The following PDE4D variants were observed in gnomAD, a reference collection of about 807,000 sequenced individuals.
PDE4D encodes the protein phosphodiesterase 4D, also known as 3',5'-cyclic-AMP phosphodiesterase 4D.
A neutral mutation model predicts 87.4 loss-of-function variants in PDE4D; 24 were observed. The observed-to-expected ratio is 0.27, with a 90% CI of 0.20 to 0.39. The LOEUF (loss-of-function observed/expected upper bound fraction) is 0.39, where lower values mean the gene tolerates loss of function less well. Ranked by LOEUF, PDE4D falls within the 10% of genes least tolerant of loss-of-function variation. The pLI, the probability that PDE4D is intolerant of heterozygous loss-of-function variation, is 1.00. For synonymous variants in PDE4D, 384 were observed against 383.2 expected (o/e 1.00, Z -0.02); for missense variants, 714 against 1,041.0 (o/e 0.69, Z 4.32).
At chr5:60,326,169 TCTGGGATAAATGCC>T (rs891402380) in intron 1 of PDE4D, among the ~76,000 whole-genome samples, 5 of 152,138 alleles carry the variant, frequency 3.3e-5, no homozygotes, top group African/African-American at 1.2e-4. Flanking sequence ...TCTTTATTTC[TCTGGGATAAATGCC>T]CAGGAGTGCA....
At position 60,113,420 on chromosome 5, in the gene PDE4D, A is replaced by G. The variant is rs142555317; in HGVS notation, c.42+72137T>C. Among the ~76,000 whole-genome samples, 14 of 152,124 alleles carry G rather than the reference A, an allele frequency of 9.2e-5. No homozygotes were observed. In the East Asian group the frequency reaches 2.7e-3, roughly 29 times the overall value. On this transcript the variant is annotated intron_variant, in intron 2 of 16. Coordinates refer to the PDE4D transcript ENST00000502484. ...AGCTTTTAAAATCACCTTTTCCTTAACCCTTACATTGCCATCATTTTAGTC... is the reference window on the plus strand; with the variant it reads ...AGCTTTTAAAATCACCTTTTCCTTAGCCCTTACATTGCCATCATTTTAGTC...
intron 5 of PDE4D, among the ~76,000 whole-genome samples, chr5:59,108,953 CAATGTGTGTGTG>C (rs1242751113): frequency 6.1e-4 from 58 of 94,424 alleles, no homozygotes; most frequent in Admixed American, 1.9e-3. Flanking sequence ...CATAGGAACT[CAATGTGTGTGTG>C]TGTGTGTGTG....
intron 1 of PDE4D, among the ~76,000 whole-genome samples, chr5:59,719,425 G>C (rs1034066803): frequency 6.6e-6 from 1 of 152,068 alleles, no homozygotes; most frequent in Non-Finnish European, 1.5e-5. Flanking sequence ...AAGTACTTGG[G>C]AACTAATGAG....
chr5:60,158,829 A>G (rs746489898), intron 2 of PDE4D, among the ~76,000 whole-genome samples: 13 of 152,178 alleles, frequency 8.5e-5, no homozygotes, highest in Non-Finnish European at 1.8e-4. Flanking sequence ...TCGGCCTCCC[A>G]AAGTGCTGGG....
chr5:58,987,629 C>A (rs916805008), intron 11 of PDE4D, among the ~76,000 whole-genome samples: 11 of 66,018 alleles, frequency 1.7e-4, no homozygotes, highest in Non-Finnish European at 3.4e-4. Context: ...TTATTCATAG[C>A]CTCAAGCAAA....
chr5:59,029,169 T>C (rs1756804152), intron 6 of PDE4D, among the ~76,000 whole-genome samples: 1 of 151,476 alleles, frequency 6.6e-6, no homozygotes, highest in South Asian at 2.1e-4. Flanking sequence ...TCCCAGCACT[T>C]TGGGAGGCCG....
chr5:59,257,088 T>C (rs1761126838), intron 1 of PDE4D, among the ~76,000 whole-genome samples: 1 of 152,108 alleles, frequency 6.6e-6, no homozygotes, highest in Non-Finnish European at 1.5e-5. Context: ...ATAATTACAA[T>C]GCAATACATT....
chr5:60,488,267 T>C, upstream of PDE4D: 1 of 152,174 alleles, frequency 6.6e-6, no homozygotes, highest in Non-Finnish European at 1.5e-5. Context: ...AAATCACAGC[T>C]TCCTTGTCGG....
rs192131270 is a variant in PDE4D at position 60,316,410 on chromosome 5, A to G, written c.-89-130723T>C. On this transcript the variant is annotated intron_variant, in intron 1 of 16. Transcript: ENST00000502484. The stretch of plus-strand genomic sequence containing the variant: ...GCTGAGACGATGGGGTTTTCTAGAT[A>G]TACAATCATGTCATCTGGAAACAAA... Among the ~76,000 whole-genome samples the G allele has an allele frequency of 2.1e-3, 323 of 152,332 alleles. 2 individuals carry two copies. The highest frequency in any genetic ancestry group is 7.5e-3 in the African/African-American group (311 of 41,576).
rs375916251 is a variant in PDE4D, at chr5:59,991,860, G to T, written c.43-3143C>A. ...TATGTGTTGTGATGGTTAATACTGA[G>T]TGTCAACTTGATTGGATTGAAGGAT... On this transcript the variant is annotated intron_variant, in intron 2 of 16. Transcript: ENST00000502484. Among the ~76,000 whole-genome samples the T allele has an allele frequency of 4.6e-5, 7 of 152,274 alleles. No individual in the cohort carries two copies. The South Asian group carries it at 6.2e-4, about 14-fold the overall frequency.
intron 2 of PDE4D, among the ~76,000 whole-genome samples, chr5:60,006,727 T>C (rs181326118): frequency 1.3e-5 from 2 of 152,144 alleles, no homozygotes; most frequent in Admixed American, 6.6e-5. Flanking sequence ...TGATGATGCA[T>C]AGGTCTAATC....
chr5:60,391,095 C>A (rs1182232204), intron 1 of PDE4D, among the ~76,000 whole-genome samples: 4 of 152,008 alleles, frequency 2.6e-5, no homozygotes, highest in African/African-American at 9.7e-5. Flanking sequence ...ATTATCTTTC[C>A]CCTTCTACAA....
intron 1 of PDE4D, among the ~76,000 whole-genome samples, chr5:60,314,493 A>T (rs1295992282): frequency 5.9e-5 from 9 of 151,894 alleles, no homozygotes; most frequent in South Asian, 4.2e-4. Context: ...TTTATTTTTT[A>T]TTATTATTAT....
intron 5 of PDE4D, among the ~76,000 whole-genome samples, chr5:59,149,500 G>A (rs2153459205): frequency 6.6e-6 from 1 of 152,230 alleles, no homozygotes; most frequent in Middle Eastern, 3.4e-3. Flanking sequence ...ACCTTAGAGT[G>A]GGATTTCAGG....
chr5:59,097,979 A>G (rs950894980), intron 5 of PDE4D, among the ~76,000 whole-genome samples: 3 of 152,226 alleles, frequency 2.0e-5, no homozygotes, highest in African/African-American at 7.2e-5. Flanking sequence ...AGGGTTTTAC[A>G]TCCTATTATA....
At chr5:59,504,524 G>C (rs1477258382) in intron 1 of PDE4D, among the ~76,000 whole-genome samples, 3 of 152,008 alleles carry the variant, frequency 2.0e-5, no homozygotes, top group Non-Finnish European at 4.4e-5. Context: ...TGTAGCACCG[G>C]GATTCATTTC....
At chr5:59,348,763 T>C (rs1382736256) in intron 1 of PDE4D, among the ~76,000 whole-genome samples, 1 of 152,064 alleles carries the variant, frequency 6.6e-6, no homozygotes, top group Non-Finnish European at 1.5e-5. Flanking sequence ...TTTTAGTTTT[T>C]CTCTTCCAAA....
chr5:59,955,122 A>G (rs1179609672), intron 3 of PDE4D, among the ~76,000 whole-genome samples: 1 of 152,184 alleles, frequency 6.6e-6, no homozygotes, highest in Non-Finnish European at 1.5e-5. Context: ...TAAGTAAAAG[A>G]AGAGGTTATA....
Position 58,975,955 on chromosome 5 carries a change from TAAG to T in PDE4D, c.1831-119_1831-117del. Reference sequence around the variant, plus strand: ...GCAACACTTAAAAATACACGTAGTGTAAGATTTATTCCAAACAGCTCAACCATG... The same window carrying T: ...GCAACACTTAAAAATACACGTAGTGTATTTATTCCAAACAGCTCAACCATG... On this transcript the variant is annotated intron_variant, in intron 13 of 14. Transcript: ENST00000340635. This position sits in a 1 kb window ranked among gnomAD's most constrained non-coding sequence, Gnocchi z 4.2. 1 of 755,524 alleles carries T rather than the reference TAAG, an allele frequency of 1.3e-6. No homozygotes were observed. Among genetic ancestry groups the T allele is most frequent in the Non-Finnish European group, 2.0e-6 (1 of 503,620 alleles). The allele number at this position is 755,524 out of a possible 1,614,324, so 46.8% of individuals were successfully genotyped here. A position where few individuals can be genotyped will look rare whatever the true frequency, so the allele number is the denominator to read the frequency against.
Sources: allele counts gnomAD v4.1 joint callset (sites outside exome capture counted in the v4.1 genomes callset), GRCh38; gene constraint gnomAD v4.1.1; non-coding constraint Gnocchi (gnomAD v3.1); transcripts MANE v1.5; gene names NCBI Gene and HGNC (gene_info 2026-07-23, HGNC 2026-07-21).